The following CNOT6L variants were observed in gnomAD, a reference collection of about 807,000 sequenced individuals.
CNOT6L encodes CCR4-NOT transcription complex subunit 6 like, also known as CCR4-NOT transcription complex subunit 6-like.
A neutral mutation model predicts 64.0 loss-of-function variants in CNOT6L; 7 were observed. The ratio of observed to expected loss-of-function variants is 0.11; its 90% CI spans 0.06 to 0.21. CNOT6L has a LOEUF of 0.21. Ranked by LOEUF, CNOT6L falls within the 10% of genes least tolerant of loss-of-function variation. The probability of loss-of-function intolerance (pLI) is 1.00; values close to 1 mark genes in which losing one functional copy is unlikely to be tolerated. For missense variants in CNOT6L, 245 were observed against 669.0 expected, an observed-to-expected ratio of 0.37 and a Z score of 6.99; for synonymous variants, 193 against 243.4, an observed-to-expected ratio of 0.79 and a Z score of 1.93.
chr4:77,736,096 C>T (rs1251146922), intron 8 of CNOT6L, among the ~76,000 whole-genome samples: 1 of 152,086 alleles, frequency 6.6e-6, no homozygotes, highest in African/African-American at 2.4e-5. Context: ...TTTCAAAAGT[C>T]CAGAAAAGCA....
At chr4:77,800,523 T>A (rs1731410584) in intron 1 of CNOT6L, among the ~76,000 whole-genome samples, 1 of 151,356 alleles carries the variant, frequency 6.6e-6, no homozygotes, top group African/African-American at 2.4e-5. Flanking sequence ...AAAAAAAAAA[T>A]TAAAAAAAAT....
At chr4:77,739,885 C>T (rs1723383194) in intron 8 of CNOT6L, among the ~76,000 whole-genome samples, 1 of 152,156 alleles carries the variant, frequency 6.6e-6, no homozygotes, top group Non-Finnish European at 1.5e-5. Context: ...GCCTTAACTA[C>T]TTCTAGTAAA....
At chr4:77,764,187 T>A (rs1428589497) in intron 4 of CNOT6L, among the ~76,000 whole-genome samples, 1 of 152,184 alleles carries the variant, frequency 6.6e-6, no homozygotes, top group African/African-American at 2.4e-5. Flanking sequence ...AAAGGCATAA[T>A]AATCTCCACA....
intron 6 of CNOT6L, among the ~76,000 whole-genome samples, chr4:77,746,260 A>G (rs541621851): frequency 6.6e-6 from 1 of 152,192 alleles, no homozygotes; most frequent in East Asian, 1.9e-4. Flanking sequence ...CCTGAGAATG[A>G]ACCAGCAATT....
chr4:77,807,393 TCA>T (rs1350568309), intron 1 of CNOT6L, among the ~76,000 whole-genome samples: 1 of 149,134 alleles, frequency 6.7e-6, no homozygotes, highest in Non-Finnish European at 1.5e-5. Context: ...AAAAAAAAAC[TCA>T]CAGTCTAACG....
chr4:77,794,279 T>C (rs929910297), intron 1 of CNOT6L, among the ~76,000 whole-genome samples: 47 of 149,126 alleles, frequency 3.2e-4, no homozygotes, highest in African/African-American at 1.1e-3. Context: ...CCACATAAAC[T>C]CTTCCATAAA....
intron 4 of CNOT6L, among the ~76,000 whole-genome samples, chr4:77,764,060 C>T (rs1287986331): frequency 1.3e-5 from 2 of 152,148 alleles, no homozygotes; most frequent in Non-Finnish European, 2.9e-5. Flanking sequence ...ACACATTTAT[C>T]TCAACTTCCA....
rs569526185 is a variant in CNOT6L, at chr4:77,799,290, T to G, written c.5+20014A>C. ...AAAAAACAAACTTTGCTGGGAATGG[T>G]GGCACGCACCTGTAGTCCCAACTGC... is the stretch of plus-strand genomic sequence containing the variant. On this transcript the variant is annotated intron_variant, in intron 1 of 11. Coordinates refer to ENST00000504123, the MANE Select transcript of CNOT6L (RefSeq NM_144571.3). 1.1e-4 allele frequency among the ~76,000 whole-genome samples: 16 copies of G among 152,226 alleles called. No homozygotes were observed. In the South Asian group the frequency reaches 3.3e-3, roughly 32 times the overall value.
intron 5 of CNOT6L, among the ~76,000 whole-genome samples, chr4:77,749,273 A>G (rs1185827068): frequency 6.6e-6 from 1 of 152,190 alleles, no homozygotes; most frequent in Non-Finnish European, 1.5e-5. Context: ...TCTATTTCAT[A>G]TATTCCATAT....
chr4:77,735,499 C>T (rs902548000), intron 8 of CNOT6L, among the ~76,000 whole-genome samples: 1 of 152,146 alleles, frequency 6.6e-6, no homozygotes, highest in Non-Finnish European at 1.5e-5. Context: ...TTTGCCAGTT[C>T]TCTAACCACA....
Position 77,744,990 on chromosome 4 carries a change from T to C in CNOT6L, c.560-115A>G, listed in dbSNP as rs77406719. ...CACACACATACGCCACATATCATCA[T>C]TGTAAAATGCCTAGGCAAGATAAAG... is the stretch of plus-strand genomic sequence containing the variant. On this transcript the variant is annotated intron_variant, in intron 6 of 11. Coordinates refer to ENST00000504123, the MANE Select transcript of CNOT6L (RefSeq NM_144571.3). 1,039 of 692,312 alleles carry C rather than the reference T, an allele frequency of 1.5e-3. 9 individuals are homozygous for C. The African/African-American group carries it at 0.016, about 11-fold the overall frequency. 42.9% of individuals were successfully genotyped at this position (692,312 alleles called of 1,614,324 possible).
At chr4:77,783,237 C>A (rs895498971) in intron 1 of CNOT6L, among the ~76,000 whole-genome samples, 1 of 149,330 alleles carries the variant, frequency 6.7e-6, no homozygotes, top group African/African-American at 2.5e-5. Context: ...CTTTTGAAGT[C>A]TAATGTTTCT....
chr4:77,774,748 A>C, intron 2 of CNOT6L, 32 bp from the exon 3 acceptor site: 1 of 1,435,296 alleles, frequency 7.0e-7, no homozygotes, highest in Non-Finnish European at 9.2e-7. Context: ...TGTAAAAAAA[A>C]ACCCCAGGCC....
chr4:77,793,490 T>A (rs1730418833), intron 1 of CNOT6L, among the ~76,000 whole-genome samples: 1 of 152,148 alleles, frequency 6.6e-6, no homozygotes, highest in African/African-American at 2.4e-5. Flanking sequence ...GGTCACATGG[T>A]TAGTGGGTGG....
chr4:77,794,857 T>TTA (rs1730623468), intron 1 of CNOT6L, among the ~76,000 whole-genome samples: 1 of 151,894 alleles, frequency 6.6e-6, no homozygotes, highest in African/African-American at 2.4e-5. Flanking sequence ...AAACAATAAA[T>TTA]TATATATATG....
intron 1 of CNOT6L, among the ~76,000 whole-genome samples, chr4:77,780,067 C>T (rs1311650105): frequency 6.6e-6 from 1 of 152,080 alleles, no homozygotes; most frequent in Non-Finnish European, 1.5e-5. Flanking sequence ...ATCAACTTTC[C>T]ACCTTGTAGG....
chr4:77,730,913 A>G (rs1202865602), intron 9 of CNOT6L, among the ~76,000 whole-genome samples: 1 of 152,078 alleles, frequency 6.6e-6, no homozygotes, highest in Non-Finnish European at 1.5e-5. Context: ...AATAATCTAA[A>G]ATGCTAAAGT....
chr4:77,802,776 C>T (rs1731740945), intron 1 of CNOT6L, among the ~76,000 whole-genome samples: 1 of 152,154 alleles, frequency 6.6e-6, no homozygotes, highest in Non-Finnish European at 1.5e-5. Context: ...AGAAGTTGTG[C>T]AGACATCTAA....
chr4:77,793,094 A>C (rs1730355751), intron 1 of CNOT6L, among the ~76,000 whole-genome samples: 1 of 152,110 alleles, frequency 6.6e-6, no homozygotes, highest in Non-Finnish European at 1.5e-5. Context: ...TGACCTAAGC[A>C]TGAGTCCAGA....
Sources: gnomAD v4.1 joint callset for allele counts (sites outside exome capture counted in the v4.1 genomes callset) on GRCh38, gnomAD v4.1.1 for gene constraint, MANE v1.5 for transcripts, NCBI Gene and HGNC (gene_info 2026-07-23, HGNC 2026-07-21) for gene names.